HMGA2: variants seen among roughly 807,000 people sequenced by gnomAD.
HMGA2 encodes high mobility group AT-hook 2.
HMGA2 carries 8 observed loss-of-function variants against 19.1 expected under a neutral mutation model. The ratio of observed to expected loss-of-function variants is 0.42; its 90% CI spans 0.25 to 0.76. HMGA2 has a LOEUF of 0.76. Among genes scored for constraint, HMGA2 ranks in the 30% least tolerant of loss-of-function variants. The pLI is 0.28. For missense variants in HMGA2, 109 were observed against 136.3 expected, an observed-to-expected ratio of 0.80 and a Z score of 1.00; for synonymous variants, 60 against 48.8, an observed-to-expected ratio of 1.23 and a Z score of -0.96.
rs71096056 is a variant in HMGA2, at chr12:65,875,589, ATTTTTTTTTTTTTTTTTTTTTT to A, written c.249+37040_249+37061del. Among the ~76,000 whole-genome samples the A allele has an allele frequency of 1.6e-3, 43 of 26,116 alleles. 1 individual carries two copies. The highest frequency in any genetic ancestry group is 7.8e-3 in the South Asian group (5 of 644). 17.1% of individuals were successfully genotyped at this position (26,116 alleles called of 152,430 possible). ...CGGGCATATGCCACCGTGCCCGGCT[ATTTTTTTTTTTTTTTTTTTTTT>A]TTTTTTTTTTTTTTTTTTTAGTAAA... On this transcript the variant is annotated intron_variant, in intron 3 of 4. Transcript: ENST00000403681.
intron 3 of HMGA2, among the ~76,000 whole-genome samples, chr12:65,923,168 C>T (rs530779528): frequency 6.6e-5 from 10 of 152,022 alleles, no homozygotes; most frequent in South Asian, 4.2e-4. Context: ...AGAAGGGCAG[C>T]GTGGTCCTCC....
chr12:65,879,862 C>T (rs1255358455), intron 3 of HMGA2, among the ~76,000 whole-genome samples: 1 of 152,166 alleles, frequency 6.6e-6, no homozygotes, highest in African/African-American at 2.4e-5. Context: ...CATATCTCCA[C>T]AGGGATTTAT....
At chr12:65,955,415 TAA>T (rs1327618469) in intron 4 of HMGA2, 5 of 152,186 alleles carry the variant, frequency 3.3e-5, no homozygotes, top group Admixed American at 3.3e-4. Flanking sequence ...CTGAGATGTC[TAA>T]AAAAGTTTCG....
chr12:65,919,511 T>C (rs988173785), intron 3 of HMGA2, among the ~76,000 whole-genome samples: 1 of 152,234 alleles, frequency 6.6e-6, no homozygotes, highest in Non-Finnish European at 1.5e-5. Context: ...TTTTTGCCAA[T>C]GAAATAAGAA....
intron 3 of HMGA2, among the ~76,000 whole-genome samples, chr12:65,854,133 T>C (rs537599398): frequency 6.6e-6 from 1 of 152,370 alleles, no homozygotes; most frequent in Non-Finnish European, 1.5e-5. Flanking sequence ...ACCTACGTTG[T>C]TTGTTATCTT....
chr12:65,837,538 T>G (rs1404271116), intron 2 of HMGA2, among the ~76,000 whole-genome samples: 1 of 152,226 alleles, frequency 6.6e-6, no homozygotes, highest in Non-Finnish European at 1.5e-5. Flanking sequence ...AATATAGCCA[T>G]GGATGATTCT....
chr12:65,897,964 C>CAAA (rs200954951), intron 3 of HMGA2, among the ~76,000 whole-genome samples: 1 of 111,948 alleles, frequency 8.9e-6, no homozygotes. Context: ...AACTCCATCT[C>CAAA]AAAAAAAAAA....
Position 65,865,493 on chromosome 12 carries a change from A to T in HMGA2, c.249+26924A>T, listed in dbSNP as rs143568578. On this transcript the variant is annotated intron_variant, in intron 3 of 4. Coordinates refer to ENST00000403681, the MANE Select transcript of HMGA2 (RefSeq NM_003483.6). ...AATAATTGTATTAAATTGAAACTTA[A>T]GTTAGTCTTCAGGCTTTTTAAGGTT... Among the ~76,000 whole-genome samples the T allele has an allele frequency of 1.3e-3, 196 of 152,292 alleles. 1 individual carries two copies. The highest frequency in any genetic ancestry group is 4.6e-3 in the African/African-American group (192 of 41,546).
At chr12:65,848,283 C>T (rs1409118458) in intron 3 of HMGA2, among the ~76,000 whole-genome samples, 1 of 152,190 alleles carries the variant, frequency 6.6e-6, no homozygotes, top group African/African-American at 2.4e-5. Flanking sequence ...GGTAGTTTCT[C>T]TTTCTCTCTC....
At chr12:65,901,005 T>C (rs995509010) in intron 3 of HMGA2, among the ~76,000 whole-genome samples, 2 of 152,212 alleles carry the variant, frequency 1.3e-5, no homozygotes, top group Non-Finnish European at 2.9e-5. Flanking sequence ...TTATTTATGT[T>C]TGTTGTATCT....
intron 3 of HMGA2, among the ~76,000 whole-genome samples, chr12:65,865,798 C>A (rs918988568): frequency 1.3e-5 from 2 of 151,396 alleles, no homozygotes; most frequent in African/African-American, 4.9e-5. Flanking sequence ...CCACGCCCGG[C>A]TAATTTTTTT....
At chr12:65,826,107 C>T (rs1870168336) in intron 1 of HMGA2, 1 of 152,472 alleles carries the variant, frequency 6.6e-6, no homozygotes, top group South Asian at 2.1e-4. Context: ...AAAGGAGTGT[C>T]CAAGAGAGTG....
chr12:65,881,374 C>T, intron 3 of HMGA2: 1 of 242,908 alleles, frequency 4.1e-6, no homozygotes, highest in Non-Finnish European at 8.1e-6. Context: ...AGATTTTTTT[C>T]AGATGTAGCA....
chr12:65,920,885 C>T (rs1406343871), intron 3 of HMGA2, among the ~76,000 whole-genome samples: 3 of 152,130 alleles, frequency 2.0e-5, no homozygotes, highest in African/African-American at 7.2e-5. Flanking sequence ...AATGTGGAAG[C>T]GACTTTGGAA....
chr12:65,866,374 G>C (rs893732401), intron 3 of HMGA2, among the ~76,000 whole-genome samples: 2 of 152,194 alleles, frequency 1.3e-5, no homozygotes, highest in Admixed American at 1.3e-4. Context: ...GAGAGTATTG[G>C]AGTAGGCGAG....
At position 65,838,396 on chromosome 12, in the gene HMGA2, A is replaced by C. The variant is rs568142142; in HGVS notation, c.199-123A>C. 5.8e-4 allele frequency: 426 copies of C among 740,536 alleles called. 1 individual carries two copies. Among genetic ancestry groups the C allele is most frequent in the Admixed American group, 3.5e-3 (125 of 35,518 alleles). 45.9% of individuals were successfully genotyped at this position (740,536 alleles called of 1,614,324 possible). A position where few individuals can be genotyped will look rare whatever the true frequency, so the allele number is the denominator to read the frequency against. On this transcript the variant is annotated intron_variant, in intron 2 of 4. Coordinates refer to ENST00000403681, the MANE Select transcript of HMGA2 (RefSeq NM_003483.6). ...AGACGAAGTTTGTTAAAAAAAACAA[A>C]AAAAAAAAAACCGATACGTCATCTG...
At chr12:65,875,848 CT>C (rs1218274146) in intron 3 of HMGA2, among the ~76,000 whole-genome samples, 2 of 151,530 alleles carry the variant, frequency 1.3e-5, no homozygotes, top group South Asian at 2.1e-4. Context: ...TTTTTATTTG[CT>C]TTTTTTCTTT....
At chr12:65,845,795 G>T (rs1871210367) in intron 3 of HMGA2, among the ~76,000 whole-genome samples, 1 of 152,160 alleles carries the variant, frequency 6.6e-6, no homozygotes, top group African/African-American at 2.4e-5. Context: ...GGAACATTCT[G>T]TCCATAACTA....
chr12:65,865,656 A>T (rs1872362086), intron 3 of HMGA2, among the ~76,000 whole-genome samples: 1 of 133,914 alleles, frequency 7.5e-6, no homozygotes, highest in African/African-American at 2.8e-5. Flanking sequence ...TTTTTTTGAG[A>T]CAGAGTCTCG....
Sources: allele counts gnomAD v4.1 joint callset (sites outside exome capture counted in the v4.1 genomes callset), GRCh38; gene constraint gnomAD v4.1.1; transcripts MANE v1.5; gene names NCBI Gene and HGNC (gene_info 2026-07-23, HGNC 2026-07-21).